Variants in NACC1 observed in about 807,000 individuals in gnomAD.
NACC1 encodes the protein nucleus accumbens-associated protein 1.
NACC1 carries 6 observed loss-of-function variants against 41.7 expected under a neutral mutation model. The observed-to-expected ratio is 0.14, with a 90% CI of 0.08 to 0.28. NACC1 has a LOEUF of 0.28. Among genes scored for constraint, NACC1 ranks in the 10% least tolerant of loss-of-function variants. The pLI is 1.00. For missense variants in NACC1, 434 were observed against 763.7 expected (o/e 0.57, Z 5.09); for synonymous variants, 338 against 330.6 (o/e 1.02, Z -0.24).
At chr19:13,122,483 C>T (rs1341695216) in intron 1 of NACC1, among the ~76,000 whole-genome samples, 1 of 145,294 alleles carries the variant, frequency 6.9e-6, no homozygotes, top group East Asian at 2.0e-4. Context: ...CCTCCGGGGA[C>T]ACTTGGGGAA....
At chr19:13,129,065 C>T (rs937470321) in intron 1 of NACC1, among the ~76,000 whole-genome samples, 22 of 151,968 alleles carry the variant, frequency 1.4e-4, no homozygotes, top group Admixed American at 9.8e-4. Context: ...GCACTGTGGC[C>T]GGGGTGGGGC....
In NACC1 at chr19:13,135,714, G is replaced by A; in HGVS notation, c.507G>A (p.Glu169=). The A allele has an allele frequency of 6.4e-7, 1 of 1,554,342 alleles. No individual in the cohort carries two copies. Among genetic ancestry groups the A allele is most frequent in the Non-Finnish European group, 8.7e-7 (1 of 1,152,096 alleles). The change falls in exon 2 of 6, where the codon GAG becomes GAA. Residue 169 remains glutamate, a synonymous_variant. Coordinates refer to ENST00000292431, the MANE Select transcript of NACC1 (RefSeq NM_052876.4). ...CCCTCGTGTCGCGGGTGAAGACGGA[G>A]CAGCAGGAGTCGGACTCCGTGCAGT... ...PLPLVSRVKT[E]QQESDSVQCM...
Position 13,139,635 on chromosome 19 carries a change from G to C in NACC1, c.*1229G>C, listed in dbSNP as rs2019758608. 1 of 152,648 alleles carries C rather than the reference G, an allele frequency of 6.6e-6. No individual in the cohort carries two copies. Among genetic ancestry groups the C allele is most frequent in the African/African-American group, 2.4e-5 (1 of 41,424 alleles). 9.5% of individuals were successfully genotyped at this position (152,648 alleles called of 1,614,324 possible). On this transcript the variant is annotated 3_prime_UTR_variant, in exon 6 of 6. Coordinates refer to ENST00000292431, the MANE Select transcript of NACC1 (RefSeq NM_052876.4). Reference sequence around the variant, plus strand: ...TTCCCCAACAGGGCTATAGTTTAAGGGTGTCCCAGGCCTTGGCTGGTTGGC... The same window carrying C: ...TTCCCCAACAGGGCTATAGTTTAAGCGTGTCCCAGGCCTTGGCTGGTTGGC...
At chr19:13,119,388 G>C (rs1460944945) in intron 1 of NACC1, among the ~76,000 whole-genome samples, 1 of 152,184 alleles carries the variant, frequency 6.6e-6, no homozygotes, top group Non-Finnish European at 1.5e-5. Flanking sequence ...GCTGGAGACA[G>C]TCTGGAACAC....
intron 1 of NACC1, among the ~76,000 whole-genome samples, chr19:13,131,200 AAGG>A (rs1331277297): frequency 1.3e-5 from 2 of 152,112 alleles, no homozygotes; most frequent in African/African-American, 4.8e-5. Context: ...ACCTCCCACA[AAGG>A]AGGATGCAGT....
intron 1 of NACC1, among the ~76,000 whole-genome samples, chr19:13,133,568 T>G (rs752560559): frequency 2.0e-4 from 30 of 152,158 alleles, no homozygotes; most frequent in Non-Finnish European, 4.0e-4. Context: ...AATAATCTTT[T>G]CCAGGGACAT....
Position 13,135,468 on chromosome 19 carries a change from G to T in NACC1, c.261G>T (p.Thr87=), listed in dbSNP as rs374586109. 16 of 1,613,374 alleles carry T rather than the reference G, an allele frequency of 9.9e-6. No individual in the cohort carries two copies. Among genetic ancestry groups the T allele is most frequent in the Non-Finnish European group, 1.3e-5 (15 of 1,179,842 alleles). ...AGCAGATCCTCAGCTTCTGCTACACGGGCCGGCTGAGCATGAACGTGGGCG... is the reference window on the plus strand; with the variant it reads ...AGCAGATCCTCAGCTTCTGCTACACTGGCCGGCTGAGCATGAACGTGGGCG... ...SFQQILSFCY[T]GRLSMNVGDQ... Residue 87 remains threonine (T), a synonymous_variant, in exon 2 of 6, where the codon ACG becomes ACT. Coordinates refer to ENST00000292431, the MANE Select transcript of NACC1 (RefSeq NM_052876.4).
chr19:13,122,560 T>G (rs2019511941), intron 1 of NACC1, among the ~76,000 whole-genome samples: 1 of 146,946 alleles, frequency 6.8e-6, no homozygotes, highest in Non-Finnish European at 1.5e-5. Context: ...TCTAGTGGGT[T>G]TATAGGCCAG....
Position 13,138,683 on chromosome 19 carries a change from T to C in NACC1, c.*277T>C, listed in dbSNP as rs1310272551. ...TCCCCAACCTAACCCCTAGCCGTCA[T>C]CTCCACACTCACCAGGCCCACCAGG... is the stretch of plus-strand genomic sequence containing the variant. On this transcript the variant is annotated 3_prime_UTR_variant, in exon 6 of 6. Coordinates refer to ENST00000292431, the MANE Select transcript of NACC1 (RefSeq NM_052876.4). The surrounding 1 kb of genome is among the most constrained non-coding windows in gnomAD (Gnocchi z 5.7). 288 of 488,540 alleles carry C rather than the reference T, an allele frequency of 5.9e-4. 1 individual carries two copies. The highest frequency in any genetic ancestry group is 5.2e-5 in the Non-Finnish European group (14 of 267,538). 30.3% of individuals were successfully genotyped at this position (488,540 alleles called of 1,614,324 possible).
At chr19:13,131,846 A>T (rs988924745) in intron 1 of NACC1, 1 of 152,006 alleles carries the variant, frequency 6.6e-6, no homozygotes. Context: ...AGCTCAGGAC[A>T]TATCTTGGGT....
chr19:13,134,588 C>T (rs539188349), intron 1 of NACC1, among the ~76,000 whole-genome samples: 13 of 152,246 alleles, frequency 8.5e-5, no homozygotes, highest in Admixed American at 4.6e-4. Flanking sequence ...AAGCTGGTCT[C>T]GAACTCCTGG....
rs1478087838 is a variant in NACC1, at chr19:13,135,291, G to A, written c.84G>A (p.Leu28=). Residue 28 remains leucine (L), a synonymous_variant, in exon 2 of 6, where the codon CTG becomes CTA. Transcript: ENST00000292431. ...TCAATGAACAGCGGCTGCAGGGCCTGTACTGTGACGTGTCAGTGGTGGTCA... is the reference window on the plus strand; with the variant it reads ...TCAATGAACAGCGGCTGCAGGGCCTATACTGTGACGTGTCAGTGGTGGTCA... The part of the protein sequence containing the change: ...ECLNEQRLQG[L]YCDVSVVVKG... 1.2e-6 allele frequency: 2 copies of A among 1,613,756 alleles called. No homozygotes were observed. The highest frequency in any genetic ancestry group is 1.1e-5 in the South Asian group (1 of 91,096).
Position 13,135,471 on chromosome 19 carries a change from C to T in NACC1, c.264C>T (p.Gly88=), listed in dbSNP as rs1190611179. The T allele has an allele frequency of 6.2e-7, 1 of 1,613,490 alleles. No individual in the cohort carries two copies. The highest frequency in any genetic ancestry group is 1.7e-5 in the Admixed American group (1 of 60,004). The change falls in exon 2 of 6, where the codon GGC becomes GGT. Residue 88 remains glycine, a synonymous_variant. Coordinates refer to ENST00000292431, the MANE Select transcript of NACC1 (RefSeq NM_052876.4). ...AGATCCTCAGCTTCTGCTACACGGG[C>T]CGGCTGAGCATGAACGTGGGCGACC... ...FQQILSFCYT[G]RLSMNVGDQF...
rs376033037 is a variant in NACC1 at position 13,136,211 on chromosome 19, C to T, written c.947-21C>T. 1.4e-5 allele frequency: 23 copies of T among 1,607,000 alleles called. No homozygotes were observed. The highest frequency in any genetic ancestry group is 2.0e-5 in the Non-Finnish European group (23 of 1,175,818). On this transcript the variant is annotated intron_variant, in intron 2 of 5. Coordinates refer to ENST00000292431, the MANE Select transcript of NACC1 (RefSeq NM_052876.4). The surrounding 1 kb of genome is among the most constrained non-coding windows in gnomAD (Gnocchi z 5.5). ...CCACCCCTGCTCCTCCTGCCACTCG[C>T]GTGCCACTCTCTCCCTGCAGCCGAG... is the stretch of plus-strand genomic sequence containing the variant.
chr19:13,121,359 A>G (rs1473468656), intron 1 of NACC1, among the ~76,000 whole-genome samples: 2 of 152,182 alleles, frequency 1.3e-5, no homozygotes, highest in East Asian at 3.9e-4. Context: ...CAGAGACTCT[A>G]GTACCATTCA....
rs1057051036 is a variant in NACC1, at chr19:13,136,728, C to T, written c.1120+323C>T. Reference sequence around the variant, plus strand: ...TTAGGAATTTGGACAGTCACAGGGGCGAATGCCTGTAGTCCTAGCTACTCA... The same window carrying T: ...TTAGGAATTTGGACAGTCACAGGGGTGAATGCCTGTAGTCCTAGCTACTCA... On this transcript the variant is annotated intron_variant, in intron 3 of 5. Coordinates refer to ENST00000292431, the MANE Select transcript of NACC1 (RefSeq NM_052876.4). The surrounding 1 kb of genome is among the most constrained non-coding windows in gnomAD (Gnocchi z 5.5). Among the ~76,000 whole-genome samples, 10 of 152,112 alleles carry T rather than the reference C, an allele frequency of 6.6e-5. No homozygotes were observed. The highest frequency in any genetic ancestry group is 5.9e-5 in the Non-Finnish European group (4 of 68,010).
chr19:13,128,149 C>G (rs983495032), intron 1 of NACC1, among the ~76,000 whole-genome samples: 1 of 152,092 alleles, frequency 6.6e-6, no homozygotes, highest in Admixed American at 6.6e-5. Context: ...GTGGAGGTGT[C>G]TGGGGTGTGT....
intron 1 of NACC1, among the ~76,000 whole-genome samples, chr19:13,119,137 G>A (rs1247843483): frequency 6.6e-6 from 1 of 151,338 alleles, no homozygotes; most frequent in Non-Finnish European, 1.5e-5. Flanking sequence ...GGAGTTTTGG[G>A]AGTCGAGAGA....
intron 1 of NACC1, among the ~76,000 whole-genome samples, chr19:13,129,536 C>T (rs189098099): frequency 3.3e-5 from 5 of 152,302 alleles, no homozygotes; most frequent in Admixed American, 2.6e-4. Flanking sequence ...CCACTCTGTG[C>T]GGGGGCCACT....
Sources: allele counts gnomAD v4.1 joint callset (sites outside exome capture counted in the v4.1 genomes callset), GRCh38; gene constraint gnomAD v4.1.1; non-coding constraint Gnocchi (gnomAD v3.1); transcripts MANE v1.5; gene names NCBI Gene and HGNC (gene_info 2026-07-23, HGNC 2026-07-21).